DAB2IP: variants seen among roughly 807,000 people sequenced by gnomAD.
The protein encoded by DAB2IP is disabled homolog 2-interacting protein.
In DAB2IP, 28 loss-of-function variants were observed where a neutral mutation model predicts 107.2. That is an observed-to-expected ratio of 0.26 (90% CI 0.19 to 0.36). DAB2IP has a LOEUF of 0.36. DAB2IP is among the 10% of genes least tolerant of loss of function. The probability of loss-of-function intolerance (pLI) is 1.00; values close to 1 mark genes in which losing one functional copy is unlikely to be tolerated. For synonymous variants in DAB2IP, 755 were observed against 706.4 expected, an observed-to-expected ratio of 1.07 and a Z score of -1.09; for missense variants, 1,400 against 1,644.7, an observed-to-expected ratio of 0.85 and a Z score of 2.57.
intron 1 of DAB2IP, among the ~76,000 whole-genome samples, chr9:121,627,508 C>G (rs1190613533): frequency 6.6e-6 from 1 of 151,906 alleles, no homozygotes; most frequent in Admixed American, 6.6e-5. Context: ...TTAAAATGGA[C>G]GTTTATGGAT....
In DAB2IP at chr9:121,782,201, C is replaced by G; in HGVS notation, c.3403-130C>G. On this transcript the variant is annotated intron_variant, in intron 15 of 15. Coordinates refer to ENST00000408936, the Ensembl canonical transcript of DAB2IP. The surrounding 1 kb of genome is among the most constrained non-coding windows in gnomAD (Gnocchi z 6.1). ...GCCTCTGCCTACCTTCTCTTGCCAG[C>G]TGCTCACAGCCCGGAGCCTGCCTGC... 2 of 1,431,704 alleles carry G rather than the reference C, an allele frequency of 1.4e-6. No individual in the cohort carries two copies. Among genetic ancestry groups the G allele is most frequent in the South Asian group, 2.9e-5 (2 of 67,984 alleles). The allele number at this position is 1,431,704 out of a possible 1,614,324, so 88.7% of individuals were successfully genotyped here.
Position 121,776,089 on chromosome 9 carries a change from TG to T in DAB2IP, c.3121-105del. 2 of 1,313,146 alleles carry T rather than the reference TG, an allele frequency of 1.5e-6. No homozygotes were observed. Among genetic ancestry groups the T allele is most frequent in the Non-Finnish European group, 2.1e-6 (2 of 960,976 alleles). 81.3% of individuals were successfully genotyped at this position (1,313,146 alleles called of 1,614,324 possible). A position where few individuals can be genotyped will look rare whatever the true frequency, so the allele number is the denominator to read the frequency against. On this transcript the variant is annotated intron_variant, in intron 13 of 15. Coordinates refer to ENST00000408936, the Ensembl canonical transcript of DAB2IP. This position sits in a 1 kb window ranked among gnomAD's most constrained non-coding sequence, Gnocchi z 5.4. Reference sequence around the variant, plus strand: ...TGTGAAGTGGGCGGGTCACAGCCACTGGGGCCTTTCAAGTGGGGCTCCCTCC... The same window carrying T: ...TGTGAAGTGGGCGGGTCACAGCCACTGGGCCTTTCAAGTGGGGCTCCCTCC...
At chr9:121,771,717 T>C (rs1834753691) in intron 11 of DAB2IP, among the ~76,000 whole-genome samples, 1 of 152,066 alleles carries the variant, frequency 6.6e-6, no homozygotes, top group South Asian at 2.1e-4. Context: ...GCTCTCCGTC[T>C]TTCCTGGCTC....
intron 3 of DAB2IP, among the ~76,000 whole-genome samples, chr9:121,728,387 A>G (rs772214599): frequency 1.3e-5 from 2 of 152,194 alleles, no homozygotes; most frequent in South Asian, 2.1e-4. Flanking sequence ...CCCCAGAGGG[A>G]GGAGTCTGAT....
rs750050173 is a variant in DAB2IP, at chr9:121,772,378, T to C, written c.2079-229T>C. ...GTCTTCCAGGCAGCGCGGCCTGAAA[T>C]GTGCAGTGCTGGCCCCTAAAGAAGA... On this transcript the variant is annotated intron_variant, in intron 11 of 15. Transcript: ENST00000408936. This position sits in a 1 kb window ranked among gnomAD's most constrained non-coding sequence, Gnocchi z 4.7. Among the ~76,000 whole-genome samples, 1 of 152,224 alleles carries C rather than the reference T, an allele frequency of 6.6e-6. No homozygotes were observed. Among genetic ancestry groups the C allele is most frequent in the African/African-American group, 2.4e-5 (1 of 41,530 alleles).
At chr9:121,567,276 G>T (rs536546763) in intron 1 of DAB2IP, 2 of 1,613,094 alleles carry the variant, frequency 1.2e-6, no homozygotes, top group Non-Finnish European at 1.7e-6. Context: ...CAGCCTCTCT[G>T]CTCAACAGAC....
intron 3 of DAB2IP, among the ~76,000 whole-genome samples, chr9:121,743,751 T>C (rs559208192): frequency 1.3e-4 from 20 of 152,236 alleles, no homozygotes; most frequent in African/African-American, 4.6e-4. Context: ...TAAGAGAGGC[T>C]GGGAAAGCCA....
chr9:121,739,744 G>A (rs1033391873), intron 3 of DAB2IP, among the ~76,000 whole-genome samples: 3 of 152,202 alleles, frequency 2.0e-5, no homozygotes, highest in Non-Finnish European at 2.9e-5. Flanking sequence ...ACATGGGTCC[G>A]GAGCTCAGAG....
At chr9:121,678,754 C>T in exon 2 of DAB2IP, 1 of 1,598,618 alleles carries the variant, frequency 6.3e-7, no homozygotes, top group Non-Finnish European at 8.5e-7. Flanking sequence ...GCATGGAGCC[C>T]TCGGCCGCCA....
chr9:121,776,462 C>T lies in DAB2IP; in HGVS notation c.3314+71C>T. ...AGCCATCGCTGCCTTCGAGGAGGCC[C>T]CTGGTCGGGGAGCCTCCTCAAAGGA... On this transcript the variant is annotated intron_variant, in intron 14 of 15. Coordinates refer to ENST00000408936, the Ensembl canonical transcript of DAB2IP. The surrounding 1 kb of genome is among the most constrained non-coding windows in gnomAD (Gnocchi z 5.4). 4 of 1,431,314 alleles carry T rather than the reference C, an allele frequency of 2.8e-6. No individual in the cohort carries two copies. Among genetic ancestry groups the T allele is most frequent in the Non-Finnish European group, 3.7e-6 (4 of 1,081,850 alleles). The allele number at this position is 1,431,314 out of a possible 1,614,324, so 88.7% of individuals were successfully genotyped here. A position where few individuals can be genotyped will look rare whatever the true frequency, so the allele number is the denominator to read the frequency against.
At chr9:121,781,381 C>A in intron 14 of DAB2IP, 83 bp from the exon 15 acceptor site, 2 of 1,322,442 alleles carry the variant, frequency 1.5e-6, no homozygotes, top group Non-Finnish European at 2.2e-6. Flanking sequence ...CTGCTGTGTG[C>A]GGGGGTGATG....
chr9:121,706,922 G>C (rs1262122978), intron 3 of DAB2IP, among the ~76,000 whole-genome samples: 1 of 152,212 alleles, frequency 6.6e-6, no homozygotes, highest in Non-Finnish European at 1.5e-5. Context: ...GAGGGAAACA[G>C]GGTCCATCCC....
At chr9:121,674,465 G>A (rs372259732) in intron 1 of DAB2IP, among the ~76,000 whole-genome samples, 2 of 152,304 alleles carry the variant, frequency 1.3e-5, no homozygotes, top group East Asian at 3.9e-4. Flanking sequence ...AGGAGAGCCA[G>A]CCGCCCTGTG....
At chr9:121,769,248 T>C (rs1834519077) in intron 10 of DAB2IP, among the ~76,000 whole-genome samples, 1 of 152,184 alleles carries the variant, frequency 6.6e-6, no homozygotes, top group Non-Finnish European at 1.5e-5. Context: ...TTTTGTAAGG[T>C]GCTGAAACTG....
chr9:121,614,007 C>A (rs1421852125), intron 1 of DAB2IP, among the ~76,000 whole-genome samples: 1 of 152,186 alleles, frequency 6.6e-6, no homozygotes, highest in African/African-American at 2.4e-5. Flanking sequence ...GGGGTTGAAA[C>A]TGATGTGCTG....
At chr9:121,657,041 T>C (rs144825599) in intron 1 of DAB2IP, among the ~76,000 whole-genome samples, 1 of 152,096 alleles carries the variant, frequency 6.6e-6, no homozygotes, top group Non-Finnish European at 1.5e-5. Flanking sequence ...GGCAGGGGAG[T>C]GGCCCCGTTG....
intron 1 of DAB2IP, chr9:121,567,298 A>C: frequency 6.2e-7 from 1 of 1,607,290 alleles, no homozygotes; most frequent in East Asian, 2.2e-5. Flanking sequence ...TTTCTCTGCT[A>C]TAGGAATCTG....
At chr9:121,630,669 G>A (rs1187084732) in intron 1 of DAB2IP, among the ~76,000 whole-genome samples, 1 of 151,046 alleles carries the variant, frequency 6.6e-6, no homozygotes, top group Non-Finnish European at 1.5e-5. Flanking sequence ...GTGCAGTGAT[G>A]CAATCTTGGC....
At chr9:121,572,582 A>G (rs369816354) in intron 1 of DAB2IP, among the ~76,000 whole-genome samples, 1 of 152,196 alleles carries the variant, frequency 6.6e-6, no homozygotes, top group African/African-American at 2.4e-5. Flanking sequence ...GCAGGCCTGC[A>G]TCTCATCCCA....
Sources: allele counts gnomAD v4.1 joint callset (sites outside exome capture counted in the v4.1 genomes callset), GRCh38; gene constraint gnomAD v4.1.1; non-coding constraint Gnocchi (gnomAD v3.1); transcripts MANE v1.5; gene names NCBI Gene and HGNC (gene_info 2026-07-23, HGNC 2026-07-21).